Variants in SLC7A14 observed in about 807,000 individuals in gnomAD.
SLC7A14 encodes the protein solute carrier family 7 member 14.
A neutral mutation model predicts 60.2 loss-of-function variants in SLC7A14; 37 were observed. That is an observed-to-expected ratio of 0.61 (90% CI 0.47 to 0.81). The LOEUF is 0.81. SLC7A14 is among the 30% of genes least tolerant of loss of function. SLC7A14 has a pLI of 0.00. For missense variants in SLC7A14, 886 were observed against 982.7 expected, an observed-to-expected ratio of 0.90 and a Z score of 1.32; for synonymous variants, 399 against 395.8, an observed-to-expected ratio of 1.01 and a Z score of -0.10.
rs1739576249 is a variant in SLC7A14, at chr3:170,460,520, A to G, written c.*6535T>C. ...TTGGGAGTGTGAATGAGACAAGCGT[A>G]TCAGCAACTGCCAAGACCAATCAAT... On this transcript the variant is annotated 3_prime_UTR_variant, in exon 8 of 8. Coordinates refer to ENST00000231706, the MANE Select transcript of SLC7A14 (RefSeq NM_020949.3). 6.6e-6 allele frequency: 1 copy of G among 152,198 alleles called. No individual in the cohort carries two copies. The allele number at this position is 152,198 out of a possible 1,614,324, so 9.4% of individuals were successfully genotyped here. A position where few individuals can be genotyped will look rare whatever the true frequency, so the allele number is the denominator to read the frequency against.
At chr3:170,538,082 T>G (rs540796270) in intron 1 of SLC7A14, among the ~76,000 whole-genome samples, 40 of 152,204 alleles carry the variant, frequency 2.6e-4, no homozygotes, top group Non-Finnish European at 4.0e-4. Context: ...GTCTCCTAAA[T>G]GAACTTGTTC....
intron 4 of SLC7A14, chr3:170,496,566 A>T: frequency 1.9e-6 from 3 of 1,599,414 alleles, no homozygotes; most frequent in Non-Finnish European, 2.6e-6. Flanking sequence ...GGAGCTGATG[A>T]ACGTCAAACT....
At chr3:170,581,740 C>A (rs1048547121) in intron 1 of SLC7A14, among the ~76,000 whole-genome samples, 1 of 152,080 alleles carries the variant, frequency 6.6e-6, no homozygotes, top group Non-Finnish European at 1.5e-5. Context: ...CTTTCGTATA[C>A]CTACACTTTG....
chr3:170,520,194 C>A lies in SLC7A14; in HGVS notation c.304+6439G>T, dbSNP rs571730247. On this transcript the variant is annotated intron_variant, in intron 2 of 7. Coordinates refer to ENST00000231706, the MANE Select transcript of SLC7A14 (RefSeq NM_020949.3). ...TCACCTCTTAAGCAGGAGCCTTAAG[C>A]AAAGGAGCCAAACCTTTCAGAATCC... Among the ~76,000 whole-genome samples the A allele has an allele frequency of 4.6e-5, 7 of 152,338 alleles. No homozygotes were observed. In the South Asian group the frequency reaches 1.4e-3, roughly 32 times the overall value.
intron 4 of SLC7A14, among the ~76,000 whole-genome samples, chr3:170,496,955 G>A (rs924506309): frequency 8.5e-5 from 13 of 152,134 alleles, no homozygotes; most frequent in Non-Finnish European, 1.8e-4. Context: ...AGGCTGCTGT[G>A]CAGGGGAGCA....
At chr3:170,565,865 A>G (rs1053293759) in intron 1 of SLC7A14, among the ~76,000 whole-genome samples, 1 of 152,160 alleles carries the variant, frequency 6.6e-6, no homozygotes, top group Non-Finnish European at 1.5e-5. Flanking sequence ...AGAGTAATGG[A>G]AAAAAACAAG....
chr3:170,479,271 T>A (rs567138042), intron 7 of SLC7A14, among the ~76,000 whole-genome samples: 1 of 152,202 alleles, frequency 6.6e-6, no homozygotes, highest in Non-Finnish European at 1.5e-5. Flanking sequence ...CCAGAGCTTC[T>A]AAAGATCCTC....
chr3:170,531,788 C>A (rs990648105), intron 1 of SLC7A14, among the ~76,000 whole-genome samples: 1 of 152,132 alleles, frequency 6.6e-6, no homozygotes, highest in African/African-American at 2.4e-5. Flanking sequence ...TCAGGTTTCT[C>A]AAAATACTTC....
At chr3:170,579,084 T>G (rs1715171774) in intron 1 of SLC7A14, among the ~76,000 whole-genome samples, 1 of 152,208 alleles carries the variant, frequency 6.6e-6, no homozygotes, top group East Asian at 1.9e-4. Flanking sequence ...TGAGAAAAGA[T>G]AAACCTGAAT....
intron 1 of SLC7A14, among the ~76,000 whole-genome samples, chr3:170,546,253 A>G (rs1714178608): frequency 6.6e-6 from 1 of 152,222 alleles, no homozygotes; most frequent in South Asian, 2.1e-4. Flanking sequence ...ATTTCCAGTG[A>G]CCTGGAAAGT....
In SLC7A14 at chr3:170,494,535, C is replaced by T. The variant is rs548819226; in HGVS notation, c.759+4132G>A. Among the ~76,000 whole-genome samples, 41 of 152,274 alleles carry T rather than the reference C, an allele frequency of 2.7e-4. 1 individual carries two copies. The highest frequency in any genetic ancestry group is 8.2e-4 in the African/African-American group (34 of 41,550). On this transcript the variant is annotated intron_variant, in intron 4 of 7. Coordinates refer to ENST00000231706, the MANE Select transcript of SLC7A14 (RefSeq NM_020949.3). ...GAACAAAACACAAGGCTAAAGGCAACGCTAAAATGTGCCTCCATCTTCTTC... is the reference window on the plus strand; with the variant it reads ...GAACAAAACACAAGGCTAAAGGCAATGCTAAAATGTGCCTCCATCTTCTTC...
At chr3:170,474,969 T>C (rs1288183051) in intron 7 of SLC7A14, among the ~76,000 whole-genome samples, 1 of 152,206 alleles carries the variant, frequency 6.6e-6, no homozygotes, top group Non-Finnish European at 1.5e-5. Context: ...GAAGATACCA[T>C]GGTGCAGCAT....
chr3:170,520,397 G>A (rs540952260), intron 2 of SLC7A14, among the ~76,000 whole-genome samples: 7 of 152,306 alleles, frequency 4.6e-5, no homozygotes, highest in African/African-American at 1.7e-4. Context: ...TATTGCCATA[G>A]TCACTTATCA....
At chr3:170,510,295 C>G (rs1712930342) in intron 2 of SLC7A14, among the ~76,000 whole-genome samples, 1 of 148,898 alleles carries the variant, frequency 6.7e-6, no homozygotes, top group Non-Finnish European at 1.5e-5. Flanking sequence ...GAGGCTGAGA[C>G]AGCAGAATTG....
intron 4 of SLC7A14, chr3:170,496,396 A>G: frequency 7.0e-7 from 1 of 1,421,688 alleles, no homozygotes; most frequent in Non-Finnish European, 9.9e-7. Context: ...GCTGAGATTG[A>G]GGGCCTCAAA....
In SLC7A14 at chr3:170,489,924, G is replaced by A. The variant is rs541924622; in HGVS notation, c.760-3556C>T. Among the ~76,000 whole-genome samples the A allele has an allele frequency of 9.9e-5, 15 of 151,436 alleles. No homozygotes were observed. The South Asian group carries it at 1.7e-3, about 17-fold the overall frequency. On this transcript the variant is annotated intron_variant, in intron 4 of 7. Coordinates refer to ENST00000231706, the MANE Select transcript of SLC7A14 (RefSeq NM_020949.3). ...AACTCATGGACACAGAGAGTAGAAGGATGGTTATCAGAGGCTGGGAAGGAT... is the reference window on the plus strand; with the variant it reads ...AACTCATGGACACAGAGAGTAGAAGAATGGTTATCAGAGGCTGGGAAGGAT...
At chr3:170,479,701 G>A (rs991563364) in intron 7 of SLC7A14, among the ~76,000 whole-genome samples, 9 of 152,108 alleles carry the variant, frequency 5.9e-5, no homozygotes, top group African/African-American at 1.7e-4. Flanking sequence ...AATGAAGAAA[G>A]GACCTTGGGA....
At chr3:170,577,594 C>T (rs1262275179) in intron 1 of SLC7A14, among the ~76,000 whole-genome samples, 11 of 137,026 alleles carry the variant, frequency 8.0e-5, no homozygotes, top group Admixed American at 3.1e-4. Flanking sequence ...GTCCGCAGTC[C>T]GGCCTGGGCG....
intron 2 of SLC7A14, among the ~76,000 whole-genome samples, chr3:170,520,482 A>G (rs1253208571): frequency 2.6e-5 from 4 of 152,216 alleles, no homozygotes; most frequent in Non-Finnish European, 4.4e-5. Context: ...AGAAGAGGCA[A>G]TTTCTTGCCT....
Sources: gnomAD v4.1 joint callset for allele counts (sites outside exome capture counted in the v4.1 genomes callset) on GRCh38, gnomAD v4.1.1 for gene constraint, MANE v1.5 for transcripts, NCBI Gene and HGNC (gene_info 2026-07-23, HGNC 2026-07-21) for gene names.